The following SHROOM2 variants were observed in gnomAD, a reference collection of about 807,000 sequenced individuals.
SHROOM2 encodes the protein shroom family member 2, also known as protein Shroom2.
In SHROOM2, 33 loss-of-function variants were observed where a neutral mutation model predicts 75.9. The observed-to-expected ratio is 0.43, with a 90% CI of 0.33 to 0.58. The LOEUF is 0.58. Ranked by LOEUF, SHROOM2 falls within the 20% of genes least tolerant of loss-of-function variation. SHROOM2 has a pLI of 0.04. For missense variants in SHROOM2, 1,434 were observed against 1,461.2 expected (o/e 0.98, Z 0.30); for synonymous variants, 655 against 663.6 (o/e 0.99, Z 0.20).
intron 1 of SHROOM2, among the ~76,000 whole-genome samples, chrX:9,834,146 C>T (rs2083931368): frequency 8.9e-6 from 1 of 112,176 alleles, no homozygotes. Context: ...GCAAGATGCC[C>T]CCCACAGCAA....
At chrX:9,806,492 GTA>G (rs892387907) in intron 1 of SHROOM2, among the ~76,000 whole-genome samples, 2 of 104,655 alleles carry the variant, frequency 1.9e-5, no homozygotes, top group East Asian at 3.1e-4. Context: ...ATATATATGT[GTA>G]TATATATGTG....
At chrX:9,909,048 A>G (rs112747047) in intron 5 of SHROOM2, among the ~76,000 whole-genome samples, 40 of 111,880 alleles carry the variant, frequency 3.6e-4, no homozygotes, top group African/African-American at 1.3e-3. Flanking sequence ...CTTTTCTCCA[A>G]TAAAAGGAAC....
At chrX:9,887,878 G>T (rs185549738) in intron 2 of SHROOM2, among the ~76,000 whole-genome samples, 1 of 113,231 alleles carries the variant, frequency 8.8e-6, no homozygotes, top group East Asian at 2.8e-4. Flanking sequence ...TGCTCCAGCT[G>T]CAGGGCTGCA....
chrX:9,924,855 A>G (rs1337790780), intron 5 of SHROOM2, among the ~76,000 whole-genome samples: 2 of 110,054 alleles, frequency 1.8e-5, no homozygotes, highest in Non-Finnish European at 3.8e-5. Flanking sequence ...TATTTTTTGT[A>G]GAGACTGGGT....
chrX:9,887,389 G>A (rs2084266866), intron 2 of SHROOM2, among the ~76,000 whole-genome samples: 1 of 112,626 alleles, frequency 8.9e-6, no homozygotes. Flanking sequence ...GCGCATGCCT[G>A]TAATCTCAGT....
intron 5 of SHROOM2, among the ~76,000 whole-genome samples, chrX:9,928,002 G>T (rs1379674886): frequency 1.8e-5 from 2 of 112,105 alleles, no homozygotes; most frequent in Non-Finnish European, 3.8e-5. Context: ...TAGAGTGTTT[G>T]TTTTTTTCCT....
At chrX:9,913,036 G>A (rs895986609) in intron 5 of SHROOM2, 59 of 112,518 alleles carry the variant, frequency 5.2e-4, no homozygotes, top group African/African-American at 1.8e-3. Flanking sequence ...GCTCTGATGG[G>A]ACTGCAGCCC....
chrX:9,896,655 A>T lies in SHROOM2; in HGVS notation c.2747A>T (p.His916Leu). 1 of 1,202,653 alleles carries T rather than the reference A, an allele frequency of 8.3e-7. No homozygotes were observed. Among genetic ancestry groups the T allele is most frequent in the Non-Finnish European group, 1.1e-6 (1 of 890,824 alleles). ...LDPQERPQHV[H>L]GRSRSSPSTD... Reference sequence around the variant, plus strand: ...CCACAGGAGAGGCCGCAGCACGTTCATGGGAGGTCCCGGTCTTCACCGTCC... The same window carrying T: ...CCACAGGAGAGGCCGCAGCACGTTCTTGGGAGGTCCCGGTCTTCACCGTCC... The change falls in exon 4 of 10, where the codon CAT becomes CTT. Residue 916 changes from histidine to leucine, a missense_variant. Coordinates refer to ENST00000380913, the MANE Select transcript of SHROOM2 (RefSeq NM_001649.4).
chrX:9,923,325 G>A (rs1017716521), intron 5 of SHROOM2, among the ~76,000 whole-genome samples: 19 of 110,982 alleles, frequency 1.7e-4, no homozygotes, highest in African/African-American at 5.9e-4. Flanking sequence ...GCAGTGGGGG[G>A]CGGGGGGTGC....
At chrX:9,902,452 T>C (rs1185332020) in intron 5 of SHROOM2, among the ~76,000 whole-genome samples, 1 of 111,885 alleles carries the variant, frequency 8.9e-6, no homozygotes, top group Non-Finnish European at 1.9e-5. Flanking sequence ...AATACCAGGC[T>C]GACCTTCCTT....
At chrX:9,808,611 C>T (rs915556918) in intron 1 of SHROOM2, among the ~76,000 whole-genome samples, 3 of 109,810 alleles carry the variant, frequency 2.7e-5, no homozygotes, top group African/African-American at 9.9e-5. Flanking sequence ...CCTGTAATCC[C>T]AGCACTTTGG....
At chrX:9,827,830 G>A (rs1343905957) in intron 1 of SHROOM2, among the ~76,000 whole-genome samples, 2 of 110,791 alleles carry the variant, frequency 1.8e-5, no homozygotes, top group African/African-American at 6.6e-5. Context: ...GGGTGGTTGG[G>A]CTGCATTGTA....
At chrX:9,815,584 CTA>C (rs1184078837) in intron 1 of SHROOM2, among the ~76,000 whole-genome samples, 2 of 106,013 alleles carry the variant, frequency 1.9e-5, no homozygotes, top group Admixed American at 1.1e-4. Context: ...ATATCTATAT[CTA>C]TATCTATATC....
In SHROOM2 at chrX:9,896,257, C is replaced by T. The variant is rs1569161819; in HGVS notation, c.2349C>T (p.His783=). Residue 783 remains histidine, a synonymous_variant, in exon 4 of 10, where the codon CAC becomes CAT. Coordinates refer to ENST00000380913, the MANE Select transcript of SHROOM2 (RefSeq NM_001649.4). ...CGAGGGGCTACAGTCCTCACCAGCACCCCAGGACATCTGAGGATACTGTGG... is the reference window on the plus strand; with the variant it reads ...CGAGGGGCTACAGTCCTCACCAGCATCCCAGGACATCTGAGGATACTGTGG... The part of the protein sequence containing the change: ...GLTRGYSPHQ[H]PRTSEDTVGT... 1.3e-5 allele frequency: 16 copies of T among 1,211,095 alleles called. No individual in the cohort carries two copies. Among genetic ancestry groups the T allele is most frequent in the Non-Finnish European group, 1.2e-5 (11 of 895,428 alleles).
At chrX:9,807,477 C>G (rs1046300836) in intron 1 of SHROOM2, among the ~76,000 whole-genome samples, 2 of 111,721 alleles carry the variant, frequency 1.8e-5, no homozygotes, top group Non-Finnish European at 3.8e-5. Flanking sequence ...TCAGGTGTTT[C>G]TAAGGATCAA....
chrX:9,870,695 G>A lies in SHROOM2; in HGVS notation c.166-2957G>A, dbSNP rs1211504456. On this transcript the variant is annotated intron_variant, in intron 1 of 9. Coordinates refer to ENST00000380913, the MANE Select transcript of SHROOM2 (RefSeq NM_001649.4). ...CTTTTCACCTCTTTGTAGTAAATTG[G>A]ATGTTTACATTGTCATGAGGGTATC... is the stretch of plus-strand genomic sequence containing the variant. Among the ~76,000 whole-genome samples, 3 of 112,183 alleles carry A rather than the reference G, an allele frequency of 2.7e-5. No individual in the cohort carries two copies. In the Admixed American group the frequency reaches 2.8e-4, roughly 11 times the overall value.
intron 5 of SHROOM2, among the ~76,000 whole-genome samples, chrX:9,917,371 G>A (rs780288423): frequency 2.5e-4 from 28 of 111,385 alleles, no homozygotes; most frequent in African/African-American, 8.0e-4. Flanking sequence ...GTTCTCCTGC[G>A]TGAGACACTT....
chrX:9,856,044 T>TTA lies in SHROOM2; in HGVS notation c.166-17608_166-17607insTA, dbSNP rs1555927913. Reference sequence around the variant, plus strand: ...GTTTCCTTTTTTTTTTTTTTTTTTTTAAAGCAAAACCGAATGAACTTGGGG... The same window carrying TTA: ...GTTTCCTTTTTTTTTTTTTTTTTTTTTAAAAGCAAAACCGAATGAACTTGGGG... On this transcript the variant is annotated intron_variant, in intron 1 of 9. Coordinates refer to ENST00000380913, the MANE Select transcript of SHROOM2 (RefSeq NM_001649.4). 2.5e-3 allele frequency among the ~76,000 whole-genome samples: 268 copies of TTA among 106,699 alleles called. 3 individuals are homozygous for TTA. Among genetic ancestry groups the TTA allele is most frequent in the African/African-American group, 8.4e-3 (243 of 29,002 alleles). 92.7% of individuals were successfully genotyped at this position (106,699 alleles called of 115,157 possible).
rs1231541904 is a variant in SHROOM2, at chrX:9,942,418, G to A, written c.4312-2223G>A. Among the ~76,000 whole-genome samples the A allele has an allele frequency of 2.7e-5, 3 of 111,009 alleles. No individual in the cohort carries two copies. In the East Asian group the frequency reaches 8.5e-4, roughly 32 times the overall value. ...GTAGCGTCTCATCCCACGGGTTGAG[G>A]GCTCAGTCCCCAAGACTGCACCCCC... On this transcript the variant is annotated intron_variant, in intron 8 of 9. Transcript: ENST00000380913.
Sources: gnomAD v4.1 joint callset for allele counts (sites outside exome capture counted in the v4.1 genomes callset) on GRCh38, gnomAD v4.1.1 for gene constraint, MANE v1.5 for transcripts, NCBI Gene and HGNC (gene_info 2026-07-23, HGNC 2026-07-21) for gene names.